DACH1: variants seen among roughly 807,000 people sequenced by gnomAD.
The protein encoded by DACH1 is dachshund family transcription factor 1, also known as dachshund homolog 1.
Under a neutral mutation model 54.2 loss-of-function variants are expected in DACH1, and 12 were observed. The observed-to-expected ratio is 0.22, with a 90% CI of 0.14 to 0.36. The LOEUF (loss-of-function observed/expected upper bound fraction) is 0.36. Among genes scored for constraint, DACH1 ranks in the 10% least tolerant of loss-of-function variants. The pLI, the probability that DACH1 is intolerant of heterozygous loss-of-function variation, is 1.00. For missense variants in DACH1, 805 were observed against 929.8 expected (o/e 0.87, Z 1.75); for synonymous variants, 386 against 366.2 (o/e 1.05, Z -0.62).
intron 1 of DACH1, among the ~76,000 whole-genome samples, chr13:71,785,982 G>A (rs1886575669): frequency 6.6e-6 from 1 of 152,100 alleles, no homozygotes; most frequent in African/African-American, 2.4e-5. Flanking sequence ...CACCATGAGG[G>A]GCAGGCATTG....
rs574469056 is a variant in DACH1, at chr13:71,707,030, C to G, written c.849-25120G>C. ...TTTGAATGTTTTTATTTCCCATAGT[C>G]ATCTTCACATTTAATTTAATACATT... On this transcript the variant is annotated intron_variant, in intron 1 of 10. Transcript: ENST00000613252. Among the ~76,000 whole-genome samples the G allele has an allele frequency of 3.9e-5, 6 of 152,292 alleles. No individual in the cohort carries two copies. The South Asian group carries it at 1.2e-3, about 32-fold the overall frequency.
At chr13:71,498,121 TCA>T (rs1879601137) in intron 6 of DACH1, among the ~76,000 whole-genome samples, 2 of 152,208 alleles carry the variant, frequency 1.3e-5, no homozygotes. Context: ...TACACCAAAC[TCA>T]CAGTGTTGCC....
chr13:71,713,473 C>A (rs1375263211), intron 1 of DACH1, among the ~76,000 whole-genome samples: 3 of 151,822 alleles, frequency 2.0e-5, no homozygotes, highest in African/African-American at 7.3e-5. Flanking sequence ...CCCACACACA[C>A]AAAAAAAGCT....
In DACH1 at chr13:71,510,557, T is replaced by C. The variant is rs559329044; in HGVS notation, c.1571-21409A>G. The stretch of plus-strand genomic sequence containing the variant: ...TCTAGTTCATAGAGTTACAAAGACA[T>C]AGATTTATCCAAATTTGTGTGCAAC... On this transcript the variant is annotated intron_variant, in intron 6 of 10. Coordinates refer to ENST00000613252, the MANE Select transcript of DACH1 (RefSeq NM_080759.6). Among the ~76,000 whole-genome samples the C allele has an allele frequency of 2.6e-5, 4 of 152,158 alleles. No individual in the cohort carries two copies. In the South Asian group the frequency reaches 8.3e-4, roughly 32 times the overall value.
At chr13:71,469,337 G>A (rs769163841) in intron 10 of DACH1, among the ~76,000 whole-genome samples, 1 of 151,560 alleles carries the variant, frequency 6.6e-6, no homozygotes. Flanking sequence ...TTCATTGAGT[G>A]ACAGCATATT....
intron 6 of DACH1, among the ~76,000 whole-genome samples, chr13:71,548,239 C>G (rs1256960679): frequency 6.6e-6 from 1 of 152,060 alleles, no homozygotes; most frequent in African/African-American, 2.4e-5. Flanking sequence ...ATTATTATGT[C>G]AAATTATTAT....
In DACH1 at chr13:71,515,683, T is replaced by A. The variant is rs561674643; in HGVS notation, c.1571-26535A>T. Among the ~76,000 whole-genome samples, 3 of 151,956 alleles carry A rather than the reference T, an allele frequency of 2.0e-5. No homozygotes were observed. The South Asian group carries it at 6.2e-4, about 32-fold the overall frequency. ...CATAAAGAAATACAAATTGCACATATTTCCCATTTAGCTAGTGTCACCAAA... is the reference window on the plus strand; with the variant it reads ...CATAAAGAAATACAAATTGCACATAATTCCCATTTAGCTAGTGTCACCAAA... On this transcript the variant is annotated intron_variant, in intron 6 of 10. Transcript: ENST00000613252.
chr13:71,472,588 A>C (rs1877181817), intron 10 of DACH1, among the ~76,000 whole-genome samples: 1 of 152,250 alleles, frequency 6.6e-6, no homozygotes, highest in African/African-American at 2.4e-5. Context: ...ACTTTGGAAT[A>C]GAAAATAATT....
chr13:71,638,547 T>C (rs945795346), intron 2 of DACH1, among the ~76,000 whole-genome samples: 1 of 152,214 alleles, frequency 6.6e-6, no homozygotes, highest in African/African-American at 2.4e-5. Context: ...CAGTCATAAA[T>C]GTTTACAGCC....
At chr13:71,466,095 G>T (rs1001678195) in intron 10 of DACH1, among the ~76,000 whole-genome samples, 2 of 151,906 alleles carry the variant, frequency 1.3e-5, no homozygotes, top group Non-Finnish European at 2.9e-5. Flanking sequence ...TATACTGACC[G>T]CAGAGATGTG....
chr13:71,745,284 C>T (rs1459143870), intron 1 of DACH1, among the ~76,000 whole-genome samples: 1 of 152,110 alleles, frequency 6.6e-6, no homozygotes, highest in African/African-American at 2.4e-5. Context: ...ATCATGAGAA[C>T]ATATGTAATA....
chr13:71,655,549 T>C (rs1879036926), intron 2 of DACH1, among the ~76,000 whole-genome samples: 1 of 151,860 alleles, frequency 6.6e-6, no homozygotes, highest in Non-Finnish European at 1.5e-5. Flanking sequence ...TTTGTATTTT[T>C]CAGGAGAGAC....
intron 6 of DACH1, among the ~76,000 whole-genome samples, chr13:71,502,537 A>G (rs1022081772): frequency 1.3e-5 from 2 of 152,170 alleles, no homozygotes; most frequent in African/African-American, 2.4e-5. Context: ...CATGCATTCT[A>G]TGGGGTAAAA....
intron 1 of DACH1, chr13:71,704,348 C>T: frequency 4.7e-6 from 2 of 425,558 alleles, no homozygotes; most frequent in South Asian, 2.1e-5. Context: ...CAGGTGTTAC[C>T]ATGGCAAAAC....
At chr13:71,486,798 AT>A (rs60343197) in intron 7 of DACH1, among the ~76,000 whole-genome samples, 3,765 of 27,792 alleles carry the variant, frequency 0.14, 73 homozygotes, top group Non-Finnish European at 0.3. Context: ...AAATTAATTA[AT>A]TTATTTATTT....
Position 71,440,394 on chromosome 13 carries a change from C to G in DACH1, c.*261G>C. Reference sequence around the variant, plus strand: ...AACTCTGTATACAATTGTCCAGCAGCAAGTTGCAGTAATTAACTGTAAGAA... The same window carrying G: ...AACTCTGTATACAATTGTCCAGCAGGAAGTTGCAGTAATTAACTGTAAGAA... On this transcript the variant is annotated 3_prime_UTR_variant, in exon 11 of 11. Coordinates refer to ENST00000613252, the MANE Select transcript of DACH1 (RefSeq NM_080759.6). 1 of 389,096 alleles carries G rather than the reference C, an allele frequency of 2.6e-6. No homozygotes were observed. Among genetic ancestry groups the G allele is most frequent in the South Asian group, 3.1e-5 (1 of 32,738 alleles). 24.1% of individuals were successfully genotyped at this position (389,096 alleles called of 1,614,324 possible).
At position 71,768,846 on chromosome 13, in the gene DACH1, C is replaced by G. The variant is rs370538694; in HGVS notation, c.849-86936G>C. Among the ~76,000 whole-genome samples, 18 of 151,942 alleles carry G rather than the reference C, an allele frequency of 1.2e-4. No individual in the cohort carries two copies. The East Asian group carries it at 1.7e-3, about 15-fold the overall frequency. ...AATTTGCAGAATTAAAAACAATCCA[C>G]CACTGAGTTATTTGACATCACGCAT... On this transcript the variant is annotated intron_variant, in intron 1 of 10. Coordinates refer to ENST00000613252, the MANE Select transcript of DACH1 (RefSeq NM_080759.6).
At chr13:71,833,375 C>A (rs552969426) in intron 1 of DACH1, among the ~76,000 whole-genome samples, 1 of 152,094 alleles carries the variant, frequency 6.6e-6, no homozygotes, top group South Asian at 2.1e-4. Flanking sequence ...CAAATTTAAA[C>A]TAAATTTTGT....
In DACH1 at chr13:71,843,750, AG is replaced by A. The variant is rs1341856647; in HGVS notation, c.848+22171del. On this transcript the variant is annotated intron_variant, in intron 1 of 10. Coordinates refer to ENST00000613252, the MANE Select transcript of DACH1 (RefSeq NM_080759.6). Reference sequence around the variant, plus strand: ...TTCCCTTCAAATATATTATATACCAAGCCCCAAGTGCAACACTCTTCGTTGT... The same window carrying A: ...TTCCCTTCAAATATATTATATACCAACCCCAAGTGCAACACTCTTCGTTGT... Among the ~76,000 whole-genome samples the A allele has an allele frequency of 2.6e-5, 4 of 152,310 alleles. No individual in the cohort carries two copies. The East Asian group carries it at 7.7e-4, about 29-fold the overall frequency.
Sources: allele counts gnomAD v4.1 joint callset (sites outside exome capture counted in the v4.1 genomes callset), GRCh38; gene constraint gnomAD v4.1.1; transcripts MANE v1.5; gene names NCBI Gene and HGNC (gene_info 2026-07-23, HGNC 2026-07-21).